Variants in ATXN1 observed in about 807,000 individuals in gnomAD.
ATXN1 encodes ataxin 1.
Under a neutral mutation model 56.4 loss-of-function variants are expected in ATXN1, and 8 were observed. The ratio of observed to expected loss-of-function variants is 0.14; its 90% CI spans 0.08 to 0.26. The LOEUF is 0.26. ATXN1 is among the 10% of genes least tolerant of loss of function. The probability of loss-of-function intolerance (pLI) is 1.00; values close to 1 mark genes in which losing one functional copy is unlikely to be tolerated. For synonymous variants in ATXN1, 514 were observed against 494.6 expected (o/e 1.04, Z -0.52); for missense variants, 987 against 1,106.5 (o/e 0.89, Z 1.53).
intron 6 of ATXN1, among the ~76,000 whole-genome samples, chr6:16,331,509 C>T (rs376532982): frequency 2.6e-5 from 4 of 152,324 alleles, no homozygotes; most frequent in Admixed American, 2.6e-4. Flanking sequence ...GCGCCCCCTG[C>T]TGGCCCTCCT....
chr6:16,385,377 G>C (rs1175453907), intron 6 of ATXN1, among the ~76,000 whole-genome samples: 1 of 152,194 alleles, frequency 6.6e-6, no homozygotes, highest in Non-Finnish European at 1.5e-5. Flanking sequence ...GGAACTTGCT[G>C]CAATGCCACT....
intron 5 of ATXN1, among the ~76,000 whole-genome samples, chr6:16,516,267 C>G (rs2113689709): frequency 6.6e-6 from 1 of 152,318 alleles, no homozygotes; most frequent in Middle Eastern, 3.4e-3. Context: ...ACAACACCAT[C>G]AGGAGCAAGT....
At chr6:16,543,650 A>G (rs1180664958) in intron 4 of ATXN1, among the ~76,000 whole-genome samples, 1 of 150,272 alleles carries the variant, frequency 6.7e-6, no homozygotes, top group Non-Finnish European at 1.5e-5. Flanking sequence ...AAAAAAAAAA[A>G]AAAGAGAGAG....
intron 2 of ATXN1, among the ~76,000 whole-genome samples, chr6:16,711,738 C>T (rs1480308102): frequency 6.6e-6 from 1 of 152,102 alleles, no homozygotes; most frequent in African/African-American, 2.4e-5. Flanking sequence ...CCACCTCAGC[C>T]TCCTGAGTAT....
intron 6 of ATXN1, among the ~76,000 whole-genome samples, chr6:16,418,847 A>G (rs1359356172): frequency 2.6e-5 from 4 of 151,718 alleles, no homozygotes; most frequent in Admixed American, 6.6e-5. Flanking sequence ...AATTTGTTAT[A>G]AATGATACAA....
intron 2 of ATXN1, among the ~76,000 whole-genome samples, chr6:16,745,981 T>TA (rs1221887999): frequency 6.6e-6 from 1 of 151,724 alleles, no homozygotes; most frequent in African/African-American, 2.4e-5. Flanking sequence ...TGTCTGTTTT[T>TA]ATTAGTTATT....
Position 16,751,701 on chromosome 6 carries a change from T to C in ATXN1, c.-615+1532A>G, listed in dbSNP as rs371784254. Among the ~76,000 whole-genome samples the C allele has an allele frequency of 3.9e-5, 6 of 152,320 alleles. No homozygotes were observed. In the South Asian group the frequency reaches 8.3e-4, roughly 21 times the overall value. On this transcript the variant is annotated intron_variant, in intron 2 of 7. Transcript: ENST00000436367. ...CTCCTTGGCTTTGCAGAGCCGTAGA[T>C]GTCTACAGGGTGGGTCCAAAGACCA...
intron 6 of ATXN1, among the ~76,000 whole-genome samples, chr6:16,353,174 A>G (rs551796722): frequency 3.9e-5 from 6 of 152,218 alleles, no homozygotes; most frequent in Non-Finnish European, 8.8e-5. Flanking sequence ...TTGGCCTCAG[A>G]AATCAACCTG....
At chr6:16,456,854 T>A (rs1300388829) in intron 6 of ATXN1, among the ~76,000 whole-genome samples, 1 of 152,226 alleles carries the variant, frequency 6.6e-6, no homozygotes, top group Non-Finnish European at 1.5e-5. Context: ...ACATAATTTT[T>A]GTCCAAAGCC....
chr6:16,343,581 G>A (rs1008625838), intron 6 of ATXN1, among the ~76,000 whole-genome samples: 1 of 152,090 alleles, frequency 6.6e-6, no homozygotes, highest in Non-Finnish European at 1.5e-5. Context: ...AAAAAGTGAG[G>A]CAGCAGTATC....
intron 6 of ATXN1, among the ~76,000 whole-genome samples, chr6:16,466,317 C>CAAAAAAAAAAAAAAAA (rs200261208): frequency 1.3e-5 from 1 of 79,874 alleles, no homozygotes; most frequent in African/African-American, 5.0e-5. Context: ...GACCCCATCT[C>CAAAAAAAAAAAAAAAA]AAAAAAAAAA....
At chr6:16,356,192 C>T (rs968731610) in intron 6 of ATXN1, among the ~76,000 whole-genome samples, 1 of 152,212 alleles carries the variant, frequency 6.6e-6, no homozygotes, top group African/African-American at 2.4e-5. Flanking sequence ...CTCTCTTCTT[C>T]CTACATTTCC....
intron 4 of ATXN1, among the ~76,000 whole-genome samples, chr6:16,530,348 T>C (rs1025790496): frequency 6.6e-6 from 1 of 152,118 alleles, no homozygotes; most frequent in East Asian, 1.9e-4. Flanking sequence ...AAAGGTCAAA[T>C]TGTCAAAAAG....
intron 4 of ATXN1, among the ~76,000 whole-genome samples, chr6:16,570,131 C>T (rs1344029922): frequency 6.6e-6 from 1 of 152,224 alleles, no homozygotes; most frequent in African/African-American, 2.4e-5. Context: ...TGTTGCATCT[C>T]AGGAAATGTC....
At chr6:16,321,601 A>C (rs1760654362) in intron 7 of ATXN1, among the ~76,000 whole-genome samples, 1 of 152,228 alleles carries the variant, frequency 6.6e-6, no homozygotes, top group Non-Finnish European at 1.5e-5. Flanking sequence ...AGTGACAAAC[A>C]CGGAAAAGCA....
At chr6:16,515,823 G>A (rs1332296650) in intron 5 of ATXN1, among the ~76,000 whole-genome samples, 1 of 152,194 alleles carries the variant, frequency 6.6e-6, no homozygotes, top group Non-Finnish European at 1.5e-5. Context: ...ATGCAGGAGG[G>A]GGATGGTATA....
chr6:16,346,455 T>C (rs1359356726), intron 6 of ATXN1, among the ~76,000 whole-genome samples: 1 of 152,100 alleles, frequency 6.6e-6, no homozygotes, highest in African/African-American at 2.4e-5. Context: ...GGAAGAGAGG[T>C]TATAGTGAGC....
At chr6:16,531,107 T>C (rs1052832577) in intron 4 of ATXN1, among the ~76,000 whole-genome samples, 6 of 152,204 alleles carry the variant, frequency 3.9e-5, no homozygotes, top group Non-Finnish European at 8.8e-5. Flanking sequence ...AATCACTGCC[T>C]TAGCAAAGCT....
intron 6 of ATXN1, among the ~76,000 whole-genome samples, chr6:16,347,948 A>G (rs908945239): frequency 4.6e-5 from 7 of 152,220 alleles, no homozygotes; most frequent in African/African-American, 1.7e-4. Context: ...TGTATGAGCT[A>G]TAACACTCAC....
Sources: gnomAD v4.1 joint callset for allele counts (sites outside exome capture counted in the v4.1 genomes callset) on GRCh38, gnomAD v4.1.1 for gene constraint, MANE v1.5 for transcripts, NCBI Gene and HGNC (gene_info 2026-07-23, HGNC 2026-07-21) for gene names.